Variants in IGF1 observed in about 807,000 individuals in gnomAD.
The protein encoded by IGF1 is insulin-like growth factor 1.
In IGF1, 4 loss-of-function variants were observed where a neutral mutation model predicts 13.8. That is an observed-to-expected ratio of 0.29 (90% CI 0.14 to 0.66). The LOEUF (loss-of-function observed/expected upper bound fraction) is 0.66. Ranked by LOEUF, IGF1 falls within the 30% of genes least tolerant of loss-of-function variation. IGF1 has a pLI of 0.78. For missense variants in IGF1, 124 were observed against 188.5 expected (o/e 0.66, Z 2.00); for synonymous variants, 76 against 72.6 (o/e 1.05, Z -0.23).
At chr12:102,480,654 T>C, upstream of IGF1, 1 of 1,286,992 alleles carries the variant, frequency 7.8e-7, no homozygotes, top group Non-Finnish European at 1.0e-6. Context: ...TCTCTCTCTC[T>C]CCCTCTTCTG....
At chr12:102,415,622 C>G (rs1463131381) in intron 3 of IGF1, 1 of 143,902 alleles carries the variant, frequency 6.9e-6, no homozygotes. Flanking sequence ...CTCCTTCCTT[C>G]CTTCTTCTCT....
intron 2 of IGF1, among the ~76,000 whole-genome samples, chr12:102,432,847 A>AATAC (rs80335999): frequency 0.02 from 3,102 of 152,002 alleles, 31 homozygotes; most frequent in Non-Finnish European, 0.027. Flanking sequence ...GTATAATAAA[A>AATAC]ATACATACAT....
At chr12:102,420,441 T>A (rs1176942986) in intron 2 of IGF1, among the ~76,000 whole-genome samples, 2 of 152,214 alleles carry the variant, frequency 1.3e-5, no homozygotes, top group Non-Finnish European at 2.9e-5. Context: ...AAATCAAGTA[T>A]GAATAATGCA....
intron 1 of IGF1, chr12:102,478,638 C>A (rs952100491): frequency 6.9e-7 from 1 of 1,452,864 alleles, no homozygotes; most frequent in South Asian, 1.6e-5. Flanking sequence ...ATTTGGACAC[C>A]CAGGCAGGTA....
intron 2 of IGF1, among the ~76,000 whole-genome samples, chr12:102,449,297 G>A (rs180885478): frequency 1.3e-5 from 2 of 151,444 alleles, no homozygotes; most frequent in South Asian, 4.2e-4. Flanking sequence ...ACACAGGAAC[G>A]GAAAACCAAA....
chr12:102,409,821 A>AT (rs768411361), intron 3 of IGF1, among the ~76,000 whole-genome samples: 3 of 152,242 alleles, frequency 2.0e-5, no homozygotes, highest in Non-Finnish European at 4.4e-5. Context: ...GTGATTCCCT[A>AT]TAGCTCTTGC....
chr12:102,473,433 TC>T (rs1435340451), intron 2 of IGF1, among the ~76,000 whole-genome samples: 1 of 152,162 alleles, frequency 6.6e-6, no homozygotes, highest in African/African-American at 2.4e-5. Flanking sequence ...TGGACTAATT[TC>T]TTTTGGGCAA....
rs2136925040 is a variant in IGF1, at chr12:102,397,196, C to T, written c.*5311G>A. On this transcript the variant is annotated 3_prime_UTR_variant, in exon 4 of 4. Coordinates refer to ENST00000337514, the MANE Select transcript of IGF1 (RefSeq NM_000618.5). Reference sequence around the variant, plus strand: ...CAGCCTGGGGGACAGTGCGAGACCCCATCTCACAAAAAGGAAAAAAAAAAA... The same window carrying T: ...CAGCCTGGGGGACAGTGCGAGACCCTATCTCACAAAAAGGAAAAAAAAAAA... The T allele has an allele frequency of 4.8e-6, 1 of 209,216 alleles. No homozygotes were observed. The highest frequency in any genetic ancestry group is 1.6e-3 in the Middle Eastern group (1 of 636). 13.0% of individuals were successfully genotyped at this position (209,216 alleles called of 1,614,324 possible).
chr12:102,422,219 T>G (rs893920968), intron 2 of IGF1, among the ~76,000 whole-genome samples: 1 of 152,230 alleles, frequency 6.6e-6, no homozygotes, highest in Non-Finnish European at 1.5e-5. Flanking sequence ...TTATCTTATG[T>G]CTACATTTGT....
chr12:102,416,997 G>A (rs1875199590), intron 3 of IGF1, among the ~76,000 whole-genome samples: 2 of 152,128 alleles, frequency 1.3e-5, no homozygotes, highest in Non-Finnish European at 2.9e-5. Flanking sequence ...AAGACACAGG[G>A]GGAGAAGAAG....
chr12:102,467,031 TAA>T (rs1430549197), intron 2 of IGF1, among the ~76,000 whole-genome samples: 1 of 152,198 alleles, frequency 6.6e-6, no homozygotes, highest in East Asian at 1.9e-4. Flanking sequence ...TCCAGAATTC[TAA>T]GTCTTGGTGC....
chr12:102,481,347 CTGTGTGTG>C (rs3033407), upstream of IGF1, among the ~76,000 whole-genome samples: 2,481 of 140,352 alleles, frequency 0.018, 74 homozygotes, highest in African/African-American at 0.06. Flanking sequence ...TAACTCAAAC[CTGTGTGTG>C]TGTGTGTGTG....
intron 2 of IGF1, among the ~76,000 whole-genome samples, chr12:102,446,277 G>A (rs1454649807): frequency 6.6e-6 from 1 of 152,128 alleles, no homozygotes; most frequent in Non-Finnish European, 1.5e-5. Flanking sequence ...CTCTTGTTTG[G>A]AATAGTTTCA....
At chr12:102,455,322 G>A (rs1701191967) in intron 2 of IGF1, among the ~76,000 whole-genome samples, 1 of 152,174 alleles carries the variant, frequency 6.6e-6, no homozygotes, top group African/African-American at 2.4e-5. Flanking sequence ...ATGAGAGCTG[G>A]GCTGTTGAGC....
intron 2 of IGF1, among the ~76,000 whole-genome samples, chr12:102,422,222 A>G (rs1875790488): frequency 6.6e-6 from 1 of 152,186 alleles, no homozygotes; most frequent in Non-Finnish European, 1.5e-5. Flanking sequence ...TCTTATGTCT[A>G]CATTTGTTTT....
chr12:102,467,010 A>C (rs1880383076), intron 2 of IGF1, among the ~76,000 whole-genome samples: 1 of 152,172 alleles, frequency 6.6e-6, no homozygotes, highest in Non-Finnish European at 1.5e-5. Context: ...AGTGTCCTTA[A>C]ATCCATTTAA....
intron 3 of IGF1, among the ~76,000 whole-genome samples, chr12:102,411,537 G>T (rs1166095868): frequency 4.6e-5 from 7 of 152,172 alleles, no homozygotes; most frequent in African/African-American, 1.7e-4. Context: ...ATGGATCCCA[G>T]CTTGGAAGCT....
intron 3 of IGF1, chr12:102,417,790 GC>G: frequency 6.2e-7 from 1 of 1,612,676 alleles, no homozygotes; most frequent in Non-Finnish European, 8.5e-7. Flanking sequence ...CATCATCCTT[GC>G]CTCTGTCTGT....
At chr12:102,451,192 A>G (rs1336989282) in intron 2 of IGF1, among the ~76,000 whole-genome samples, 1 of 152,210 alleles carries the variant, frequency 6.6e-6, no homozygotes, top group South Asian at 2.1e-4. Flanking sequence ...AGACCAATTG[A>G]CTCCTGGATA....
Sources: allele counts gnomAD v4.1 joint callset (sites outside exome capture counted in the v4.1 genomes callset), GRCh38; gene constraint gnomAD v4.1.1; transcripts MANE v1.5; gene names NCBI Gene and HGNC (gene_info 2026-07-23, HGNC 2026-07-21).